CPA3: variants seen among roughly 807,000 people sequenced by gnomAD.
The protein encoded by CPA3 is carboxypeptidase A3, also known as mast cell carboxypeptidase A.
Under a neutral mutation model 55.8 loss-of-function variants are expected in CPA3, and 52 were observed. The ratio of observed to expected loss-of-function variants is 0.93; its 90% CI spans 0.75 to 1.17. The LOEUF (loss-of-function observed/expected upper bound fraction) is 1.17, where lower values mean the gene tolerates loss of function less well. CPA3 is among the 50% of genes most tolerant of loss of function. The pLI, the probability that CPA3 is intolerant of heterozygous loss-of-function variation, is 0.00. For synonymous variants in CPA3, 179 were observed against 171.2 expected, an observed-to-expected ratio of 1.05 and a Z score of -0.36; for missense variants, 547 against 509.1, an observed-to-expected ratio of 1.07 and a Z score of -0.72.
At chr3:148,871,378 G>T (rs1714062989) in intron 3 of CPA3, among the ~76,000 whole-genome samples, 1 of 152,120 alleles carries the variant, frequency 6.6e-6, no homozygotes, top group Admixed American at 6.6e-5. Flanking sequence ...AAAGAATTAG[G>T]TATTATGTTT....
Position 148,881,536 on chromosome 3 carries a change from T to A in CPA3, c.591T>A (p.Tyr197Ter). 1 of 1,611,426 alleles carries A rather than the reference T, an allele frequency of 6.2e-7. No homozygotes were observed. The change falls in exon 7 of 11, where the codon TAT (tyrosine) becomes TAA (stop). Residue 197 changes from tyrosine (Y) to a stop codon, truncating the protein, a stop_gained. Coordinates refer to ENST00000296046, the MANE Select transcript of CPA3 (RefSeq NM_001870.4). LOFTEE classifies it high-confidence loss of function. ...QWFVYQATKT[Y>*]GRNKIMTKLL... is the part of the protein sequence containing the mutation. ...ACCTCCGACAGGCAACCAAAACTTATGGGAGAAACAAAATTATGACCAAAC... is the reference window on the plus strand; with the variant it reads ...ACCTCCGACAGGCAACCAAAACTTAAGGGAGAAACAAAATTATGACCAAAC...
At chr3:148,896,158 T>C (rs202044293) in intron 10 of CPA3, among the ~76,000 whole-genome samples, 1 of 117,068 alleles carries the variant, frequency 8.5e-6, no homozygotes, top group Non-Finnish European at 2.2e-5. Flanking sequence ...GTATAGTTTT[T>C]CCCTGGTGGT....
Sources: allele counts gnomAD v4.1 joint callset (sites outside exome capture counted in the v4.1 genomes callset), GRCh38; gene constraint gnomAD v4.1.1; transcripts MANE v1.5; gene names NCBI Gene and HGNC (gene_info 2026-07-23, HGNC 2026-07-21).